NCBP3: variants seen among roughly 807,000 people sequenced by gnomAD.
NCBP3 encodes nuclear cap binding subunit 3.
Under a neutral mutation model 75.7 loss-of-function variants are expected in NCBP3, and 20 were observed. That is an observed-to-expected ratio of 0.26 (90% CI 0.19 to 0.38). NCBP3 has a LOEUF of 0.38. Among genes scored for constraint, NCBP3 ranks in the 10% least tolerant of loss-of-function variants. The pLI, the probability that NCBP3 is intolerant of heterozygous loss-of-function variation, is 1.00. For missense variants in NCBP3, 678 were observed against 796.9 expected, an observed-to-expected ratio of 0.85 and a Z score of 1.80; for synonymous variants, 293 against 290.5, an observed-to-expected ratio of 1.01 and a Z score of -0.09.
chr17:3,817,583 C>T (rs932626515), intron 10 of NCBP3, among the ~76,000 whole-genome samples: 6 of 152,096 alleles, frequency 3.9e-5, no homozygotes, highest in Middle Eastern at 3.4e-3. Context: ...GAGCCGAGAT[C>T]GCGCCACTGC....
At chr17:3,840,057 C>A (rs1307567258) in intron 3 of NCBP3, 43 bp downstream of exon 3, 2 of 1,482,314 alleles carry the variant, frequency 1.3e-6, no homozygotes, top group Non-Finnish European at 1.8e-6. Context: ...AAAAGGCACT[C>A]TCTGGGGAAA....
intron 3 of NCBP3, among the ~76,000 whole-genome samples, chr17:3,838,841 G>A (rs1212601612): frequency 1.3e-5 from 2 of 152,156 alleles, no homozygotes; most frequent in Non-Finnish European, 2.9e-5. Context: ...TGTGCTTAAC[G>A]AGTCTAGTAA....
chr17:3,832,367 C>T lies in NCBP3; in HGVS notation c.356-2999G>A, dbSNP rs1301589878. Reference sequence around the variant, plus strand: ...AGAATTTAATGGGCAGGCGCGGTGGCTCACGCCTGTAATCCCAGCACTTTG... The same window carrying T: ...AGAATTTAATGGGCAGGCGCGGTGGTTCACGCCTGTAATCCCAGCACTTTG... On this transcript the variant is annotated intron_variant, in intron 3 of 12. Coordinates refer to ENST00000389005, the MANE Select transcript of NCBP3 (RefSeq NM_001114118.3). Among the ~76,000 whole-genome samples, 10 of 120,268 alleles carry T rather than the reference C, an allele frequency of 8.3e-5. 1 individual carries two copies. The highest frequency in any genetic ancestry group is 2.0e-4 in the African/African-American group (8 of 39,534). The allele number at this position is 120,268 out of a possible 152,430, so 78.9% of individuals were successfully genotyped here.
chr17:3,827,201 ATAACT>A (rs1235758441), intron 4 of NCBP3, among the ~76,000 whole-genome samples: 1 of 152,196 alleles, frequency 6.6e-6, no homozygotes, highest in Non-Finnish European at 1.5e-5. Flanking sequence ...GTTCCACAAA[ATAACT>A]TAAGTATTCC....
chr17:3,829,413 G>A (rs1338111763), intron 3 of NCBP3, 45 bp from the exon 4 acceptor site: 18 of 1,543,400 alleles, frequency 1.2e-5, no homozygotes, highest in Non-Finnish European at 1.5e-5. Context: ...TTTCCTGTCC[G>A]CAACTGCACA....
intron 1 of NCBP3, among the ~76,000 whole-genome samples, 175 bp from the exon 2 acceptor site, chr17:3,843,326 G>A (rs1427317506): frequency 6.7e-6 from 1 of 149,846 alleles, no homozygotes; most frequent in Non-Finnish European, 1.5e-5. Context: ...GCTCACCGCA[G>A]CCTCGACTCC....
At chr17:3,845,624 G>A (rs1403129032) in intron 1 of NCBP3, among the ~76,000 whole-genome samples, 1 of 152,144 alleles carries the variant, frequency 6.6e-6, no homozygotes, top group African/African-American at 2.4e-5. Context: ...TTCCTCCGGG[G>A]CAAGACCCAC....
At chr17:3,835,418 C>T (rs988109754) in intron 3 of NCBP3, among the ~76,000 whole-genome samples, 2 of 152,214 alleles carry the variant, frequency 1.3e-5, no homozygotes, top group African/African-American at 4.8e-5. Context: ...TCAGAAAGAA[C>T]ATTCAGAAAC....
chr17:3,838,932 C>A (rs1485055199), intron 3 of NCBP3, among the ~76,000 whole-genome samples: 1 of 152,164 alleles, frequency 6.6e-6, no homozygotes, highest in Admixed American at 6.5e-5. Flanking sequence ...ATCAACCAAA[C>A]AAGGCTAGAG....
chr17:3,829,255 C>T lies in NCBP3; in HGVS notation c.469G>A (p.Asp157Asn). ...CGGGTGTACTTACAGGAGGTATCAT[C>T]CAACCATTCGATGTGAGCTGGAGGA... ...EYPPAHIEWL[D>N]DTSCNVVWLD... Residue 157 changes from aspartate (D) to asparagine (N), a missense_variant, in exon 4 of 13, where the codon GAT becomes AAT. By Grantham distance (23) the Asp-to-Asn change is conservative (BLOSUM62 1). Transcript: ENST00000389005. 3.2e-6 allele frequency: 5 copies of T among 1,551,618 alleles called. No individual in the cohort carries two copies. The highest frequency in any genetic ancestry group is 4.4e-6 in the Non-Finnish European group (5 of 1,146,962).
intron 3 of NCBP3, among the ~76,000 whole-genome samples, chr17:3,831,457 C>T (rs1288543057): frequency 2.0e-5 from 3 of 150,028 alleles, no homozygotes; most frequent in African/African-American, 7.3e-5. Context: ...CCTGTAGTCC[C>T]AGCTACTTGG....
At chr17:3,831,296 G>A (rs978888114) in intron 3 of NCBP3, among the ~76,000 whole-genome samples, 2 of 151,818 alleles carry the variant, frequency 1.3e-5, no homozygotes, top group African/African-American at 2.4e-5. Context: ...ACTTAAGGTC[G>A]GGCGCGGTCG....
rs980805173 is a variant in NCBP3, at chr17:3,846,209, C to T, written c.15G>A (p.Arg5=). Residue 5 remains arginine (R), a synonymous_variant, in exon 1 of 13, where the codon CGG becomes CGA. Coordinates refer to ENST00000389005, the MANE Select transcript of NCBP3 (RefSeq NM_001114118.3). The surrounding 1 kb of genome is among the most constrained non-coding windows in gnomAD (Gnocchi z 4.6). ...CCGCCTTCACCGACACCCGCAGGCC[C>T]CGTACGGCCGCCATCGCTGCCTGCC... MAAV[R]GLRVSVKAEA... is the part of the protein sequence containing the mutation. The T allele has an allele frequency of 2.8e-6, 4 of 1,450,640 alleles. No homozygotes were observed. The highest frequency in any genetic ancestry group is 3.0e-5 in the African/African-American group (2 of 66,450). 89.9% of individuals were successfully genotyped at this position (1,450,640 alleles called of 1,614,324 possible).
intron 11 of NCBP3, among the ~76,000 whole-genome samples, chr17:3,815,520 A>T (rs1349701423): frequency 6.6e-6 from 1 of 152,214 alleles, no homozygotes; most frequent in East Asian, 1.9e-4. Context: ...CAACCACCGA[A>T]CTTAATTTCT....
rs1196121867 is a variant in NCBP3 at position 3,814,210 on chromosome 17, T to A, written c.1627+112A>T. On this transcript the variant is annotated intron_variant, in intron 12 of 12. Transcript: ENST00000389005. ...ATAATGGAAAAGGAATAATCACTTA[T>A]ATTTGGCGTGGGCTGTTTCTTGCCT... The A allele has an allele frequency of 5.7e-6, 6 of 1,048,116 alleles. No individual in the cohort carries two copies. The East Asian group carries it at 7.2e-5, about 13-fold the overall frequency. The allele number at this position is 1,048,116 out of a possible 1,614,324, so 64.9% of individuals were successfully genotyped here.
chr17:3,811,406 CCAT>C lies in NCBP3; in HGVS notation c.*1635_*1637del, dbSNP rs2143626643. On this transcript the variant is annotated 3_prime_UTR_variant, in exon 13 of 13. Coordinates refer to ENST00000389005, the MANE Select transcript of NCBP3 (RefSeq NM_001114118.3). ...GTCTCAACTGGCAGAGAAACCAGAA[CCAT>C]CTCTTTCCTAGAATCCTAATAAGAA... The C allele has an allele frequency of 6.6e-6, 1 of 152,288 alleles. No homozygotes were observed. Among genetic ancestry groups the C allele is most frequent in the Admixed American group, 6.5e-5 (1 of 15,284 alleles). 9.4% of individuals were successfully genotyped at this position (152,288 alleles called of 1,614,324 possible). A position where few individuals can be genotyped will look rare whatever the true frequency, so the allele number is the denominator to read the frequency against.
In NCBP3 at chr17:3,824,773, A is replaced by G. The variant is rs924023142; in HGVS notation, c.796+169T>C. ...ATAGTTAATATTCACTTTTAAAGTC[A>G]GAAATTCCAACTCAGGTGGCAAGCA... is the stretch of plus-strand genomic sequence containing the variant. On this transcript the variant is annotated intron_variant, in intron 7 of 12. Coordinates refer to ENST00000389005, the MANE Select transcript of NCBP3 (RefSeq NM_001114118.3). 1.5e-5 allele frequency: 6 copies of G among 392,542 alleles called. No homozygotes were observed. The East Asian group carries it at 2.4e-4, about 16-fold the overall frequency. The allele number at this position is 392,542 out of a possible 1,614,324, so 24.3% of individuals were successfully genotyped here. A position where few individuals can be genotyped will look rare whatever the true frequency, so the allele number is the denominator to read the frequency against.
At position 3,812,986 on chromosome 17, in the gene NCBP3, GC is replaced by G; in HGVS notation, c.*57del. 6.2e-7 allele frequency: 1 copy of G among 1,606,534 alleles called. No individual in the cohort carries two copies. The highest frequency in any genetic ancestry group is 8.5e-7 in the Non-Finnish European group (1 of 1,176,022). The stretch of plus-strand genomic sequence containing the variant: ...CCTGCGGGGGAGGTTCCTACTGCGC[GC>G]CCCACCCTGTGCAAGAATGTCAGGC... On this transcript the variant is annotated 3_prime_UTR_variant, in exon 13 of 13. Coordinates refer to ENST00000389005, the MANE Select transcript of NCBP3 (RefSeq NM_001114118.3).
chr17:3,811,187 C>T lies in NCBP3; in HGVS notation c.*1857G>A, dbSNP rs1220565763. On this transcript the variant is annotated 3_prime_UTR_variant, in exon 13 of 13. Transcript: ENST00000389005. ...AGCCAGGAATTCTGGTAACAGCCCACTCAACTGCTAGACGGGAAAACTGAG... is the reference window on the plus strand; with the variant it reads ...AGCCAGGAATTCTGGTAACAGCCCATTCAACTGCTAGACGGGAAAACTGAG... The T allele has an allele frequency of 6.6e-6, 1 of 152,378 alleles. No homozygotes were observed. Among genetic ancestry groups the T allele is most frequent in the African/African-American group, 2.4e-5 (1 of 41,438 alleles). The allele number at this position is 152,378 out of a possible 1,614,324, so 9.4% of individuals were successfully genotyped here. A position where few individuals can be genotyped will look rare whatever the true frequency, so the allele number is the denominator to read the frequency against.
Sources: gnomAD v4.1 joint callset for allele counts (sites outside exome capture counted in the v4.1 genomes callset) on GRCh38, gnomAD v4.1.1 for gene constraint, Gnocchi (gnomAD v3.1) non-coding constraint, MANE v1.5 for transcripts, NCBI Gene and HGNC (gene_info 2026-07-23, HGNC 2026-07-21) for gene names.